CPEB4: variants seen among roughly 807,000 people sequenced by gnomAD.
CPEB4 encodes cytoplasmic polyadenylation element-binding protein 4.
CPEB4 carries 12 observed loss-of-function variants against 72.5 expected under a neutral mutation model. The ratio of observed to expected loss-of-function variants is 0.17; its 90% CI spans 0.11 to 0.27. CPEB4 has a LOEUF of 0.27. CPEB4 is among the 10% of genes least tolerant of loss of function. The pLI is 1.00. For synonymous variants in CPEB4, 302 were observed against 326.3 expected, an observed-to-expected ratio of 0.93 and a Z score of 0.80; for missense variants, 614 against 908.5, an observed-to-expected ratio of 0.68 and a Z score of 4.17.
intron 2 of CPEB4, among the ~76,000 whole-genome samples, chr5:173,928,981 GGT>G (rs1382994873): frequency 6.6e-6 from 1 of 152,188 alleles, no homozygotes; most frequent in Non-Finnish European, 1.5e-5. Context: ...GAATGTCACA[GGT>G]GTGTTTGCTA....
At chr5:173,951,968 C>A in intron 8 of CPEB4, 30 bp downstream of exon 8, 1 of 1,356,500 alleles carries the variant, frequency 7.4e-7, no homozygotes, top group Non-Finnish European at 1.1e-6. Context: ...AAACTCTCTA[C>A]CCTATAGCGC....
intron 2 of CPEB4, among the ~76,000 whole-genome samples, chr5:173,911,315 GC>G (rs1201956901): frequency 2.0e-5 from 3 of 151,692 alleles, no homozygotes; most frequent in African/African-American, 4.8e-5. Flanking sequence ...CTGTCGCCAG[GC>G]TGGAGTGCAG....
intron 1 of CPEB4, among the ~76,000 whole-genome samples, chr5:173,897,743 G>A (rs1009044344): frequency 3.3e-5 from 5 of 152,068 alleles, no homozygotes; most frequent in African/African-American, 9.7e-5. Context: ...TCATTAATGT[G>A]TTTATAAATA....
In CPEB4 at chr5:173,945,106, G is replaced by A; in HGVS notation, c.1422G>A (p.Val474=). 6.2e-7 allele frequency: 1 copy of A among 1,613,972 alleles called. No individual in the cohort carries two copies. The highest frequency in any genetic ancestry group is 1.7e-5 in the Admixed American group (1 of 59,996). ...GERVERYSRK[V]FVGGLPPDID... is the part of the protein sequence containing the mutation. The stretch of plus-strand genomic sequence containing the variant: ...GAGTGGAACGATATTCTCGAAAGGT[G>A]TTTGTAGGCGGATTGCCTCCAGACA... The change falls in exon 5 of 10, where the codon GTG becomes GTA. Residue 474 remains valine (V), a synonymous_variant. Transcript: ENST00000265085.
At chr5:173,943,079 C>A in intron 4 of CPEB4, 30 bp downstream of exon 4, 2 of 1,607,248 alleles carry the variant, frequency 1.2e-6, no homozygotes, top group Non-Finnish European at 1.7e-6. Flanking sequence ...TTAAATGTAT[C>A]ACTTGTATTT....
chr5:173,933,221 T>G (rs1278281940), intron 3 of CPEB4, among the ~76,000 whole-genome samples: 1 of 152,240 alleles, frequency 6.6e-6, no homozygotes, highest in Admixed American at 6.5e-5. Context: ...AGAAAATGTC[T>G]TCCATTTGTC....
intron 1 of CPEB4, chr5:173,891,317 A>G (rs1311486635): frequency 6.6e-6 from 1 of 151,882 alleles, no homozygotes; most frequent in Non-Finnish European, 1.5e-5. Flanking sequence ...ATTGAATTAC[A>G]GTTTTCTCAC....
At chr5:173,932,235 T>C (rs1334804941) in intron 2 of CPEB4, among the ~76,000 whole-genome samples, 2 of 152,242 alleles carry the variant, frequency 1.3e-5, no homozygotes, top group Non-Finnish European at 2.9e-5. Context: ...GATGGAAATT[T>C]GTAAATTAGA....
At chr5:173,927,713 G>T (rs1270370816) in intron 2 of CPEB4, among the ~76,000 whole-genome samples, 4 of 151,424 alleles carry the variant, frequency 2.6e-5, no homozygotes, top group Non-Finnish European at 5.9e-5. Context: ...GGAAGCAGAG[G>T]TTGCAGTAAG....
intron 1 of CPEB4, chr5:173,893,036 T>TGTGAGAGA (rs55993382): frequency 9.9e-6 from 1 of 100,922 alleles, no homozygotes; most frequent in African/African-American, 3.3e-5. Flanking sequence ...TGTGTGTGTG[T>TGTGAGAGA]GAGAGAGAGA....
At chr5:173,917,521 G>T (rs1338124981) in intron 2 of CPEB4, among the ~76,000 whole-genome samples, 3 of 152,204 alleles carry the variant, frequency 2.0e-5, no homozygotes, top group African/African-American at 4.8e-5. Flanking sequence ...ATCACCAGGA[G>T]TTCAAGACCA....
intron 1 of CPEB4, among the ~76,000 whole-genome samples, chr5:173,897,476 GT>G (rs1420959735): frequency 1.3e-5 from 2 of 152,134 alleles, no homozygotes; most frequent in African/African-American, 4.8e-5. Context: ...CACCTACTAT[GT>G]TATGGACTAA....
At chr5:173,897,683 A>G (rs999829207) in intron 1 of CPEB4, among the ~76,000 whole-genome samples, 2 of 152,212 alleles carry the variant, frequency 1.3e-5, no homozygotes, top group Admixed American at 6.5e-5. Context: ...AATTTTAGCT[A>G]TAACAAAAAA....
chr5:173,918,938 C>T (rs978154036), intron 2 of CPEB4, among the ~76,000 whole-genome samples: 4 of 151,928 alleles, frequency 2.6e-5, no homozygotes, highest in Non-Finnish European at 5.9e-5. Flanking sequence ...TCTTTGTTAC[C>T]TGAGTGAGAG....
intron 3 of CPEB4, among the ~76,000 whole-genome samples, chr5:173,940,985 T>A (rs902070670): frequency 1.3e-5 from 2 of 152,230 alleles, no homozygotes; most frequent in African/African-American, 2.4e-5. Flanking sequence ...AGTATTTGAT[T>A]GTAACTTTTG....
At chr5:173,922,017 T>G (rs542040903) in intron 2 of CPEB4, among the ~76,000 whole-genome samples, 2 of 152,234 alleles carry the variant, frequency 1.3e-5, no homozygotes, top group East Asian at 3.9e-4. Flanking sequence ...GAATTGGAGA[T>G]CCCAAAGATG....
chr5:173,889,147 T>C lies in CPEB4; in HGVS notation c.-587T>C, dbSNP rs1218222156. ...CCAGGAATTCACTTCCCACCCCAGA[T>C]AACCTAATATAATCTATATATATAA... On this transcript the variant is annotated 5_prime_UTR_variant, in exon 1 of 10. Coordinates refer to ENST00000265085, the MANE Select transcript of CPEB4 (RefSeq NM_030627.4). 1 of 151,144 alleles carries C rather than the reference T, an allele frequency of 6.6e-6. No homozygotes were observed. Among genetic ancestry groups the C allele is most frequent in the Non-Finnish European group, 1.5e-5 (1 of 67,832 alleles). 9.4% of individuals were successfully genotyped at this position (151,144 alleles called of 1,614,324 possible).
intron 3 of CPEB4, among the ~76,000 whole-genome samples, chr5:173,942,303 G>A (rs1581161398): frequency 6.6e-6 from 1 of 152,234 alleles, no homozygotes; most frequent in Non-Finnish European, 1.5e-5. Flanking sequence ...GGGCTTATAA[G>A]TGCCAGTTTG....
In CPEB4 at chr5:173,888,850, G is replaced by A; in HGVS notation, c.-884G>A. 3.5e-6 allele frequency: 1 copy of A among 283,560 alleles called. No homozygotes were observed. 17.6% of individuals were successfully genotyped at this position (283,560 alleles called of 1,614,324 possible). A position where few individuals can be genotyped will look rare whatever the true frequency, so the allele number is the denominator to read the frequency against. On this transcript the variant is annotated 5_prime_UTR_variant, in exon 1 of 10. Coordinates refer to ENST00000265085, the MANE Select transcript of CPEB4 (RefSeq NM_030627.4). This position sits in a 1 kb window ranked among gnomAD's most constrained non-coding sequence, Gnocchi z 4.3. ...CCCTCGGTCCCCGCACCCCCAGGCC[G>A]CCCGCTCACCCTCGTCGAGTCTCGC... is the stretch of plus-strand genomic sequence containing the variant.
Sources: allele counts gnomAD v4.1 joint callset (sites outside exome capture counted in the v4.1 genomes callset), GRCh38; gene constraint gnomAD v4.1.1; non-coding constraint Gnocchi (gnomAD v3.1); transcripts MANE v1.5; gene names NCBI Gene and HGNC (gene_info 2026-07-23, HGNC 2026-07-21).